The following TRAF3IP1 variants were observed in gnomAD, a reference collection of about 807,000 sequenced individuals.
The protein encoded by TRAF3IP1 is intraflagellar transport 54, also known as TRAF3-interacting protein 1.
TRAF3IP1 carries 53 observed loss-of-function variants against 89.9 expected under a neutral mutation model. The observed-to-expected ratio is 0.59, with a 90% CI of 0.47 to 0.74. The LOEUF (loss-of-function observed/expected upper bound fraction) is 0.74, where lower values mean the gene tolerates loss of function less well. TRAF3IP1 is among the 30% of genes least tolerant of loss of function. TRAF3IP1 has a pLI of 0.00. For missense variants in TRAF3IP1, 806 were observed against 866.1 expected (o/e 0.93, Z 0.87); for synonymous variants, 311 against 322.1 (o/e 0.97, Z 0.37).
chr2:238,373,437 G>A (rs1225733694), intron 15 of TRAF3IP1, among the ~76,000 whole-genome samples: 2 of 152,164 alleles, frequency 1.3e-5, no homozygotes, highest in East Asian at 3.8e-4. Context: ...AAGATCAGAT[G>A]GTTGTAGATG....
chr2:238,324,479 T>C (rs190393064), intron 1 of TRAF3IP1, among the ~76,000 whole-genome samples: 1 of 152,286 alleles, frequency 6.6e-6, no homozygotes, highest in African/African-American at 2.4e-5. Context: ...TGTCCCTGAG[T>C]GGCTTCACAG....
At chr2:238,398,685 G>A in intron 16 of TRAF3IP1, 69 bp from the exon 17 acceptor site, 1 of 1,395,200 alleles carries the variant, frequency 7.2e-7, no homozygotes, top group East Asian at 2.5e-5. Context: ...GTCTTTCAAT[G>A]TCTTAATTAA....
chr2:238,369,630 T>C (rs1044007953), intron 15 of TRAF3IP1, among the ~76,000 whole-genome samples: 1 of 152,198 alleles, frequency 6.6e-6, no homozygotes, highest in African/African-American at 2.4e-5. Context: ...CTGTGCTGCC[T>C]TTGCTGCGTC....
At chr2:238,378,621 G>C (rs1010322327) in intron 15 of TRAF3IP1, among the ~76,000 whole-genome samples, 4 of 152,202 alleles carry the variant, frequency 2.6e-5, no homozygotes, top group Non-Finnish European at 5.9e-5. Flanking sequence ...TTGAGAGAGA[G>C]AGAGAGAGAG....
chr2:238,348,664 G>T, intron 10 of TRAF3IP1, 100 bp from the exon 11 acceptor site: 1 of 1,024,638 alleles, frequency 9.8e-7, no homozygotes. Flanking sequence ...AAATGTATTT[G>T]ATTGCAAATA....
At chr2:238,380,130 G>A (rs563292487) in intron 15 of TRAF3IP1, among the ~76,000 whole-genome samples, 14 of 152,312 alleles carry the variant, frequency 9.2e-5, no homozygotes, top group African/African-American at 3.4e-4. Context: ...CATTCAGAGA[G>A]TGTTTCTGAA....
chr2:238,369,671 C>G (rs1336568053), intron 15 of TRAF3IP1, among the ~76,000 whole-genome samples: 1 of 152,166 alleles, frequency 6.6e-6, no homozygotes, highest in Non-Finnish European at 1.5e-5. Context: ...TCAGATTGTT[C>G]CTGACTGCAG....
At chr2:238,346,491 C>T (rs1183508551) in intron 9 of TRAF3IP1, among the ~76,000 whole-genome samples, 5 of 152,148 alleles carry the variant, frequency 3.3e-5, no homozygotes, top group Non-Finnish European at 7.3e-5. Flanking sequence ...AAGCTTGGCC[C>T]CCTCTCTCCC....
chr2:238,324,396 C>T (rs1209452882), intron 1 of TRAF3IP1, among the ~76,000 whole-genome samples: 1 of 151,908 alleles, frequency 6.6e-6, no homozygotes, highest in African/African-American at 2.4e-5. Flanking sequence ...GGAATCTGTT[C>T]CCTCCATTGC....
intron 12 of TRAF3IP1, 133 bp downstream of exon 12, chr2:238,349,541 G>A: frequency 2.3e-6 from 2 of 877,770 alleles, no homozygotes; most frequent in South Asian, 1.6e-5. Context: ...AAAAAGTGAG[G>A]GTAGGCCCTC....
At position 238,330,448 on chromosome 2, in the gene TRAF3IP1, C is replaced by T. The variant is rs76973930; in HGVS notation, c.915+1106C>T. The stretch of plus-strand genomic sequence containing the variant: ...GGATGTCAAATTGTAAAGCATCCCG[C>T]GAAGATGTTGGAAATCATCTTGTCT... On this transcript the variant is annotated intron_variant, in intron 5 of 16. Transcript: ENST00000373327. Among the ~76,000 whole-genome samples, 614 of 152,238 alleles carry T rather than the reference C, an allele frequency of 4.0e-3. 4 individuals carry two copies. The highest frequency in any genetic ancestry group is 0.014 in the African/African-American group (595 of 41,536).
Position 238,325,884 on chromosome 2 carries a change from G to A in TRAF3IP1, c.268G>A (p.Ala90Thr), listed in dbSNP as rs199901714. The change falls in exon 3 of 17, where the codon GCC becomes ACC. Residue 90 changes from alanine to threonine, a missense_variant. Coordinates refer to ENST00000373327, the MANE Select transcript of TRAF3IP1 (RefSeq NM_015650.4). Reference sequence around the variant, plus strand: ...AATGGTGTCGGGAGAGCCACTGTTGGCCAAACCAGCCCGAATCGTGGCGGG... The same window carrying A: ...AATGGTGTCGGGAGAGCCACTGTTGACCAAACCAGCCCGAATCGTGGCGGG... ...VVMVSGEPLL[A>T]KPARIVAGHE... 6.2e-7 allele frequency: 1 copy of A among 1,614,218 alleles called. No homozygotes were observed. The highest frequency in any genetic ancestry group is 2.2e-5 in the East Asian group (1 of 44,886).
intron 6 of TRAF3IP1, 142 bp from the exon 7 acceptor site, chr2:238,333,818 A>G (rs2106370845): frequency 1.5e-6 from 1 of 657,978 alleles, no homozygotes; most frequent in Non-Finnish European, 2.6e-6. Context: ...AGTCCTTAGT[A>G]GTATTGAGTT....
chr2:238,384,447 A>G (rs1037072699), intron 15 of TRAF3IP1, among the ~76,000 whole-genome samples: 11 of 150,886 alleles, frequency 7.3e-5, no homozygotes, highest in Non-Finnish European at 1.5e-4. Context: ...ATCTTGGCTT[A>G]CTGCAACCTC....
At chr2:238,335,766 T>TTTA (rs1553611250) in intron 7 of TRAF3IP1, among the ~76,000 whole-genome samples, 10 of 137,102 alleles carry the variant, frequency 7.3e-5, no homozygotes, top group Non-Finnish European at 1.4e-4. Flanking sequence ...TTTTATTTTA[T>TTTA]TTTATTTATT....
intron 15 of TRAF3IP1, among the ~76,000 whole-genome samples, chr2:238,359,879 C>T (rs1699586102): frequency 6.6e-6 from 1 of 152,084 alleles, no homozygotes; most frequent in Admixed American, 6.5e-5. Flanking sequence ...GAATTAGGTT[C>T]AGTAAGAGAT....
At chr2:238,374,495 A>G (rs1190344592) in intron 15 of TRAF3IP1, among the ~76,000 whole-genome samples, 4 of 152,112 alleles carry the variant, frequency 2.6e-5, no homozygotes, top group Admixed American at 2.6e-4. Context: ...CATGGTGGAT[A>G]AGCTTTTTTT....
At chr2:238,397,219 G>C (rs1399283765) in intron 15 of TRAF3IP1, among the ~76,000 whole-genome samples, 1 of 152,204 alleles carries the variant, frequency 6.6e-6, no homozygotes, top group Non-Finnish European at 1.5e-5. Context: ...TCCCCATTGA[G>C]CAGGGAAGGA....
At chr2:238,349,711 G>GA (rs761464432) in intron 12 of TRAF3IP1, among the ~76,000 whole-genome samples, 3 of 152,066 alleles carry the variant, frequency 2.0e-5, no homozygotes, top group Non-Finnish European at 4.4e-5. Context: ...GGGGAATTAG[G>GA]AAAAAATAGG....
Sources: allele counts gnomAD v4.1 joint callset (sites outside exome capture counted in the v4.1 genomes callset), GRCh38; gene constraint gnomAD v4.1.1; transcripts MANE v1.5; gene names NCBI Gene and HGNC (gene_info 2026-07-23, HGNC 2026-07-21).